Variants in IRGM observed in about 807,000 individuals in gnomAD.
IRGM encodes the protein immunity-related GTPase family M protein.
For missense variants in IRGM, 288 were observed against 219.9 expected (o/e 1.31, Z -1.96); for synonymous variants, 98 against 80.6 (o/e 1.22, Z -1.16).
At chr5:150,849,919 A>G (rs758724966), downstream of IRGM, among the ~76,000 whole-genome samples, 2 of 152,088 alleles carry the variant, frequency 1.3e-5, no homozygotes, top group Non-Finnish European at 2.9e-5. Context: ...CATATATTTT[A>G]TAAGTGACAT....
intron 3 of IRGM, chr5:150,896,572 T>C: frequency 6.2e-7 from 1 of 1,613,768 alleles, no homozygotes; most frequent in African/African-American, 1.3e-5. Flanking sequence ...TCACTCTGGC[T>C]AGATGATTTT....
downstream of IRGM, among the ~76,000 whole-genome samples, chr5:150,849,805 C>T (rs1160583594): frequency 6.6e-6 from 1 of 151,982 alleles, no homozygotes; most frequent in Non-Finnish European, 1.5e-5. Context: ...CCGGGTTTCA[C>T]CATGTTGGCC....
intron 1 of IRGM, among the ~76,000 whole-genome samples, chr5:150,875,471 ATAGG>A (rs1754350335): frequency 6.6e-6 from 1 of 152,210 alleles, no homozygotes; most frequent in East Asian, 1.9e-4. Flanking sequence ...AATTTGGGAA[ATAGG>A]TATGTGGATG....
chr5:150,885,182 T>C (rs1349367564), intron 3 of IRGM, among the ~76,000 whole-genome samples: 1 of 152,108 alleles, frequency 6.6e-6, no homozygotes, highest in Non-Finnish European at 1.5e-5. Flanking sequence ...GGGAGTCTTT[T>C]TCCCATTGCT....
At chr5:150,854,058 C>G (rs1754013799) in intron 1 of IRGM, among the ~76,000 whole-genome samples, 1 of 151,884 alleles carries the variant, frequency 6.6e-6, no homozygotes, top group Non-Finnish European at 1.5e-5. Flanking sequence ...ATTTTGATTA[C>G]CTTTTTATTT....
At chr5:150,851,538 T>C (rs1031022222), downstream of IRGM, among the ~76,000 whole-genome samples, 5 of 152,192 alleles carry the variant, frequency 3.3e-5, no homozygotes, top group Admixed American at 3.3e-4. Context: ...TGATTGAATT[T>C]TTTGTTTTGT....
At chr5:150,867,486 G>A (rs776969223) in intron 1 of IRGM, among the ~76,000 whole-genome samples, 5 of 151,964 alleles carry the variant, frequency 3.3e-5, no homozygotes, top group Non-Finnish European at 7.4e-5. Context: ...TTTCCACTGG[G>A]GACATATTCA....
At chr5:150,884,586 T>A (rs1358676909) in intron 3 of IRGM, among the ~76,000 whole-genome samples, 1 of 152,148 alleles carries the variant, frequency 6.6e-6, no homozygotes, top group Non-Finnish European at 1.5e-5. Flanking sequence ...GCATTTGTAA[T>A]TTTTTGGCTT....
At chr5:150,875,634 CT>C (rs1754352854) in intron 1 of IRGM, among the ~76,000 whole-genome samples, 1 of 152,172 alleles carries the variant, frequency 6.6e-6, no homozygotes, top group Non-Finnish European at 1.5e-5. Context: ...CCAGCCACCC[CT>C]GTAATTGCCC....
downstream of IRGM, among the ~76,000 whole-genome samples, chr5:150,850,592 G>T (rs1323108760): frequency 3.3e-5 from 5 of 152,124 alleles, no homozygotes; most frequent in South Asian, 2.1e-4. Flanking sequence ...ACAGGGTCTT[G>T]CTATCTTGCC....
At chr5:150,856,883 TATTA>T (rs1190095664) in intron 1 of IRGM, among the ~76,000 whole-genome samples, 17 of 145,218 alleles carry the variant, frequency 1.2e-4, no homozygotes, top group South Asian at 2.1e-4. Flanking sequence ...TAATTAATAT[TATTA>T]ATTAAATATT....
At chr5:150,859,378 C>T (rs549528218) in intron 1 of IRGM, among the ~76,000 whole-genome samples, 2 of 152,164 alleles carry the variant, frequency 1.3e-5, no homozygotes, top group South Asian at 4.1e-4. Context: ...GGATATTGGT[C>T]TAAAATTCTC....
At chr5:150,851,735 C>T (rs1335645328), downstream of IRGM, among the ~76,000 whole-genome samples, 2 of 152,196 alleles carry the variant, frequency 1.3e-5, no homozygotes, top group African/African-American at 4.8e-5. Context: ...CTCCTTGTAA[C>T]CACTGATGGT....
intron 1 of IRGM, among the ~76,000 whole-genome samples, chr5:150,874,105 G>A (rs1462171996): frequency 6.6e-6 from 1 of 152,190 alleles, no homozygotes; most frequent in East Asian, 1.9e-4. Context: ...CATTGATTTG[G>A]CAAATGCCTT....
At chr5:150,895,251 A>G (rs916464439) in intron 3 of IRGM, 14 of 516,888 alleles carry the variant, frequency 2.7e-5, no homozygotes, top group East Asian at 1.8e-4. Flanking sequence ...CTTCATTTAT[A>G]TAACTATTTT....
intron 1 of IRGM, among the ~76,000 whole-genome samples, chr5:150,856,871 A>G (rs1268842275): frequency 6.8e-6 from 1 of 147,078 alleles, no homozygotes; most frequent in Non-Finnish European, 1.5e-5. Flanking sequence ...TTTATTAATT[A>G]TTAATTAATA....
At chr5:150,855,887 A>G (rs569487638) in intron 1 of IRGM, among the ~76,000 whole-genome samples, 28 of 152,332 alleles carry the variant, frequency 1.8e-4, no homozygotes, top group African/African-American at 6.7e-4. Context: ...AAAATTTGAT[A>G]TCAATTAATT....
intron 1 of IRGM, among the ~76,000 whole-genome samples, chr5:150,875,474 G>A (rs181282110): frequency 4.1e-4 from 62 of 152,316 alleles, no homozygotes; most frequent in Non-Finnish European, 8.1e-4. Flanking sequence ...TTGGGAAATA[G>A]GTATGTGGAT....
At chr5:150,855,671 C>A (rs1754039042) in intron 1 of IRGM, among the ~76,000 whole-genome samples, 1 of 152,164 alleles carries the variant, frequency 6.6e-6, no homozygotes, top group Non-Finnish European at 1.5e-5. Flanking sequence ...TTTGAGTTCA[C>A]TTAGGAATGA....
Sources: gnomAD v4.1 joint callset for allele counts (sites outside exome capture counted in the v4.1 genomes callset) on GRCh38, gnomAD v4.1.1 for gene constraint, MANE v1.5 for transcripts, NCBI Gene and HGNC (gene_info 2026-07-23, HGNC 2026-07-21) for gene names.